The following NAALADL2 variants were observed in gnomAD, a reference collection of about 807,000 sequenced individuals.
NAALADL2 encodes the protein inactive N-acetylated-alpha-linked acidic dipeptidase-like protein 2.
In NAALADL2, 76 loss-of-function variants were observed where a neutral mutation model predicts 87.2. The observed-to-expected ratio is 0.87, with a 90% confidence interval of 0.72 to 1.05. NAALADL2 has a LOEUF of 1.05. NAALADL2 is among the 50% of genes least tolerant of loss of function. The pLI, the probability that NAALADL2 is intolerant of heterozygous loss-of-function variation, is 0.00. For missense variants in NAALADL2, 1,089 were observed against 945.8 expected (o/e 1.15, Z -1.99); for synonymous variants, 354 against 331.0 (o/e 1.07, Z -0.75).
chr3:175,434,377 T>C (rs1160403367), intron 5 of NAALADL2, among the ~76,000 whole-genome samples: 5 of 152,038 alleles, frequency 3.3e-5, no homozygotes, highest in Admixed American at 1.3e-4. Flanking sequence ...CAGGCCAGTC[T>C]TCTTTTCTTG....
intron 5 of NAALADL2, among the ~76,000 whole-genome samples, chr3:175,392,369 G>A (rs2149025998): frequency 6.6e-6 from 1 of 152,186 alleles, no homozygotes; most frequent in Middle Eastern, 3.4e-3. Flanking sequence ...TCAGAAATAG[G>A]TAATTTTAAA....
chr3:175,113,851 T>G (rs1724618851), intron 2 of NAALADL2, among the ~76,000 whole-genome samples: 1 of 151,592 alleles, frequency 6.6e-6, no homozygotes, highest in Admixed American at 6.6e-5. Flanking sequence ...CCCAAAGTTT[T>G]CTCTGGAGAA....
intron 2 of NAALADL2, among the ~76,000 whole-genome samples, chr3:175,118,269 C>T (rs190910340): frequency 9.9e-5 from 15 of 151,620 alleles, no homozygotes; most frequent in East Asian, 9.8e-4. Flanking sequence ...AATAATAATA[C>T]GAATTTCATC....
chr3:175,653,925 T>A (rs1731115924), intron 11 of NAALADL2, among the ~76,000 whole-genome samples: 1 of 152,224 alleles, frequency 6.6e-6, no homozygotes, highest in South Asian at 2.1e-4. Context: ...AGACACATTG[T>A]ACAATATCAA....
Position 174,913,547 on chromosome 3 carries a change from G to T in NAALADL2, c.43+54097G>T, listed in dbSNP as rs193035865. On this transcript the variant is annotated intron_variant, in intron 1 of 13. Transcript: ENST00000454872. ...GTTGTGGCAGTGGGCTTTGGGGGCA[G>T]TTGCCTCCACCTCAGGCTACTCATT... Among the ~76,000 whole-genome samples the T allele has an allele frequency of 5.7e-4, 87 of 152,246 alleles. 1 individual carries two copies. Among genetic ancestry groups the T allele is most frequent in the Middle Eastern group, 6.8e-3 (2 of 294 alleles).
intron 3 of NAALADL2, among the ~76,000 whole-genome samples, chr3:174,816,203 A>G (rs1720780246): frequency 6.6e-6 from 1 of 151,670 alleles, no homozygotes; most frequent in Non-Finnish European, 1.5e-5. Context: ...CCTCTTCTTC[A>G]TCGTATCCTT....
intron 1 of NAALADL2, among the ~76,000 whole-genome samples, chr3:175,092,708 A>T (rs1025402550): frequency 6.6e-6 from 1 of 151,914 alleles, no homozygotes; most frequent in Admixed American, 6.6e-5. Flanking sequence ...GTCACAGTCC[A>T]GAAAAATACC....
At chr3:175,426,473 C>A (rs953310396) in intron 5 of NAALADL2, among the ~76,000 whole-genome samples, 1 of 152,140 alleles carries the variant, frequency 6.6e-6, no homozygotes, top group African/African-American at 2.4e-5. Context: ...TTCTCATGTC[C>A]TTTCTATTTC....
intron 1 of NAALADL2, chr3:174,540,718 T>C (rs1248812332): frequency 6.6e-6 from 1 of 152,216 alleles, no homozygotes; most frequent in Non-Finnish European, 1.5e-5. Context: ...TCTGTTTTCC[T>C]TTAATAAAGC....
chr3:175,045,627 T>G (rs1754572497), intron 1 of NAALADL2, among the ~76,000 whole-genome samples: 1 of 152,208 alleles, frequency 6.6e-6, no homozygotes, highest in African/African-American at 2.4e-5. Flanking sequence ...ACTCACAGTA[T>G]AGCGGCCAGT....
At chr3:175,038,994 G>A (rs1753741500) in intron 1 of NAALADL2, among the ~76,000 whole-genome samples, 1 of 152,108 alleles carries the variant, frequency 6.6e-6, no homozygotes, top group African/African-American at 2.4e-5. Flanking sequence ...CTCTCTGATA[G>A]TGGAATTTAT....
intron 1 of NAALADL2, among the ~76,000 whole-genome samples, chr3:174,986,410 T>G (rs1745889219): frequency 6.6e-6 from 1 of 151,334 alleles, no homozygotes; most frequent in Admixed American, 6.6e-5. Context: ...GTATATGTTG[T>G]TATATTTTGT....
intron 2 of NAALADL2, among the ~76,000 whole-genome samples, chr3:174,608,534 C>A (rs1233973402): frequency 2.0e-5 from 3 of 151,484 alleles, no homozygotes; most frequent in Non-Finnish European, 3.0e-5. Context: ...ACTACAAACA[C>A]CTCTACGCAA....
chr3:174,980,362 G>T (rs1744949427), intron 1 of NAALADL2, among the ~76,000 whole-genome samples: 2 of 152,128 alleles, frequency 1.3e-5, no homozygotes, highest in Admixed American at 6.5e-5. Context: ...GAGGAAGGTG[G>T]AGTGGTATGC....
chr3:175,352,804 T>TTATGGG (rs949001243), intron 5 of NAALADL2, among the ~76,000 whole-genome samples: 1 of 152,072 alleles, frequency 6.6e-6, no homozygotes. Context: ...TGAATTACAT[T>TTATGGG]TATGGGTATG....
At chr3:175,793,946 T>G (rs996004695) in intron 13 of NAALADL2, among the ~76,000 whole-genome samples, 1 of 152,192 alleles carries the variant, frequency 6.6e-6, no homozygotes, top group Non-Finnish European at 1.5e-5. Flanking sequence ...AACTTTTGGC[T>G]TTAGAGTGAA....
chr3:174,595,742 G>C (rs996616742), intron 2 of NAALADL2, among the ~76,000 whole-genome samples: 4 of 152,178 alleles, frequency 2.6e-5, no homozygotes, highest in African/African-American at 9.7e-5. Flanking sequence ...TGGGTGCGGT[G>C]GCTCATGCCT....
At chr3:175,687,609 T>G (rs987188269) in intron 11 of NAALADL2, among the ~76,000 whole-genome samples, 1 of 152,202 alleles carries the variant, frequency 6.6e-6, no homozygotes, top group Admixed American at 6.6e-5. Flanking sequence ...CCATGCACTA[T>G]GCTGCCTTGG....
chr3:175,639,315 A>ATTTTT (rs1728965438), intron 11 of NAALADL2, among the ~76,000 whole-genome samples: 1 of 96,208 alleles, frequency 1.0e-5, no homozygotes. Context: ...CAAAAGCGTT[A>ATTTTT]TTCTTTTTTT....
Sources: gnomAD v4.1 joint callset for allele counts (sites outside exome capture counted in the v4.1 genomes callset) on GRCh38, gnomAD v4.1.1 for gene constraint, MANE v1.5 for transcripts, NCBI Gene and HGNC (gene_info 2026-07-23, HGNC 2026-07-21) for gene names.